AP2M1: variants seen among roughly 807,000 people sequenced by gnomAD.
AP2M1 encodes the protein AP-2 complex subunit mu.
Under a neutral mutation model 54.5 loss-of-function variants are expected in AP2M1, and 5 were observed. The ratio of observed to expected loss-of-function variants is 0.09; its 90% CI spans 0.05 to 0.19. AP2M1 has a LOEUF of 0.19. Ranked by LOEUF, AP2M1 falls within the 10% of genes least tolerant of loss-of-function variation. The pLI, the probability that AP2M1 is intolerant of heterozygous loss-of-function variation, is 1.00. For missense variants in AP2M1, 178 were observed against 580.2 expected (o/e 0.31, Z 7.12); for synonymous variants, 186 against 208.2 (o/e 0.89, Z 0.92).
rs1715304225 is a variant in AP2M1, at chr3:184,182,428, G to A, written c.1061+180G>A. On this transcript the variant is annotated intron_variant, in intron 10 of 11. Transcript: ENST00000292807. This position sits in a 1 kb window ranked among gnomAD's most constrained non-coding sequence, Gnocchi z 5.5. ...TGAGTATGTACACGCCTGCATTTGG[G>A]TTCATGCACGTGCTTATTTTTTAAG... The A allele has an allele frequency of 1.9e-5, 12 of 648,386 alleles. No homozygotes were observed. The highest frequency in any genetic ancestry group is 3.1e-5 in the Non-Finnish European group (12 of 381,914). The allele number at this position is 648,386 out of a possible 1,614,324, so 40.2% of individuals were successfully genotyped here.
rs1281004184 is a variant in AP2M1 at position 184,177,466 on chromosome 3, C to T, written c.74+399C>T. ...CTAAGCCTTGCTCTCAGAAGCCCTT[C>T]CCATATCAAACGCCTTCACTGGATT... is the stretch of plus-strand genomic sequence containing the variant. On this transcript the variant is annotated intron_variant, in intron 2 of 11. Transcript: ENST00000292807. 14 of 1,366,678 alleles carry T rather than the reference C, an allele frequency of 1.0e-5. No individual in the cohort carries two copies. The African/African-American group carries it at 1.9e-4, about 18-fold the overall frequency. The allele number at this position is 1,366,678 out of a possible 1,614,324, so 84.7% of individuals were successfully genotyped here.
intron 1 of AP2M1, 152 bp from the exon 2 acceptor site, chr3:184,176,799 C>G (rs774255855): frequency 1.8e-6 from 1 of 546,228 alleles, no homozygotes; most frequent in Non-Finnish European, 3.2e-6. Flanking sequence ...GAACTGGAGC[C>G]TGGCTGAGGG....
At position 184,180,470 on chromosome 3, in the gene AP2M1, C is replaced by A; in HGVS notation, c.424-175C>A. 1 of 1,118,072 alleles carries A rather than the reference C, an allele frequency of 8.9e-7. No homozygotes were observed. Among genetic ancestry groups the A allele is most frequent in the Non-Finnish European group, 1.3e-6 (1 of 770,910 alleles). 69.3% of individuals were successfully genotyped at this position (1,118,072 alleles called of 1,614,324 possible). Reference sequence around the variant, plus strand: ...TCTATTACCAGGAATACAGCTCAAGCAGTTTCCTTTTGCACTGAGGGGTGG... The same window carrying A: ...TCTATTACCAGGAATACAGCTCAAGAAGTTTCCTTTTGCACTGAGGGGTGG... On this transcript the variant is annotated intron_variant, in intron 4 of 11. Coordinates refer to ENST00000292807, the MANE Select transcript of AP2M1 (RefSeq NM_004068.4). This position sits in a 1 kb window ranked among gnomAD's most constrained non-coding sequence, Gnocchi z 4.9.
rs1218820609 is a variant in AP2M1, at chr3:184,180,321, C to T, written c.423+70C>T. On this transcript the variant is annotated intron_variant, in intron 4 of 11. Transcript: ENST00000292807. This position sits in a 1 kb window ranked among gnomAD's most constrained non-coding sequence, Gnocchi z 4.9. ...CCTTCATCTCAGCTGGCCCCTGAGCCTTGTCTGAGCTGACTCATGAGCCCT... is the reference window on the plus strand; with the variant it reads ...CCTTCATCTCAGCTGGCCCCTGAGCTTTGTCTGAGCTGACTCATGAGCCCT... 1.3e-6 allele frequency: 2 copies of T among 1,539,064 alleles called. No individual in the cohort carries two copies. Among genetic ancestry groups the T allele is most frequent in the Non-Finnish European group, 1.8e-6 (2 of 1,121,960 alleles).
In AP2M1 at chr3:184,181,628, A is replaced by C. The variant is rs984777849; in HGVS notation, c.708-68A>C. On this transcript the variant is annotated intron_variant, in intron 7 of 11. Coordinates refer to ENST00000292807, the MANE Select transcript of AP2M1 (RefSeq NM_004068.4). The surrounding 1 kb of genome is among the most constrained non-coding windows in gnomAD (Gnocchi z 5.7). ...AGTCTCTGGTGCCAGCCTGGGGTGG[A>C]GTGGTCTCCCAGCATGACAGCTGTC... 1.1e-5 allele frequency: 18 copies of C among 1,584,574 alleles called. No homozygotes were observed. The highest frequency in any genetic ancestry group is 1.5e-5 in the Non-Finnish European group (17 of 1,160,252).
At position 184,182,430 on chromosome 3, in the gene AP2M1, T is replaced by C; in HGVS notation, c.1061+182T>C. 1 of 650,730 alleles carries C rather than the reference T, an allele frequency of 1.5e-6. No homozygotes were observed. Among genetic ancestry groups the C allele is most frequent in the Non-Finnish European group, 2.6e-6 (1 of 383,402 alleles). 40.3% of individuals were successfully genotyped at this position (650,730 alleles called of 1,614,324 possible). On this transcript the variant is annotated intron_variant, in intron 10 of 11. Coordinates refer to ENST00000292807, the MANE Select transcript of AP2M1 (RefSeq NM_004068.4). The surrounding 1 kb of genome is among the most constrained non-coding windows in gnomAD (Gnocchi z 5.5). ...AGTATGTACACGCCTGCATTTGGGTTCATGCACGTGCTTATTTTTTAAGAT... is the reference window on the plus strand; with the variant it reads ...AGTATGTACACGCCTGCATTTGGGTCCATGCACGTGCTTATTTTTTAAGAT...
Position 184,181,070 on chromosome 3 carries a change from C to G in AP2M1, c.566-15C>G, listed in dbSNP as rs781556738. ...CCTGACTCCGCTGCTCCCCATTTAT[C>G]TGTTCCATCACCAGGGCAGGTGCTG... is the stretch of plus-strand genomic sequence containing the variant. On this transcript the variant is annotated splice_polypyrimidine_tract_variant and intron_variant, in intron 6 of 11. Transcript: ENST00000292807. The surrounding 1 kb of genome is among the most constrained non-coding windows in gnomAD (Gnocchi z 5.7). 1 of 1,614,048 alleles carries G rather than the reference C, an allele frequency of 6.2e-7. No individual in the cohort carries two copies.
chr3:184,180,989 G>C lies in AP2M1; in HGVS notation c.565+5G>C. 3 of 1,614,122 alleles carry C rather than the reference G, an allele frequency of 1.9e-6. No individual in the cohort carries two copies. Among genetic ancestry groups the C allele is most frequent in the Non-Finnish European group, 2.5e-6 (3 of 1,180,038 alleles). On this transcript the variant is annotated splice_donor_5th_base_variant and intron_variant, in intron 6 of 11. Transcript: ENST00000292807. This position sits in a 1 kb window ranked among gnomAD's most constrained non-coding sequence, Gnocchi z 4.9. The stretch of plus-strand genomic sequence containing the variant: ...ACCTGCTCATGTCCCCACAAGGTGA[G>C]GTCCCTCTCACGACAAAGTTGGAGG...
Position 184,178,088 on chromosome 3 carries a change from T to C in AP2M1, c.75-769T>C. On this transcript the variant is annotated intron_variant, in intron 2 of 11. Coordinates refer to ENST00000292807, the MANE Select transcript of AP2M1 (RefSeq NM_004068.4). This position sits in a 1 kb window ranked among gnomAD's most constrained non-coding sequence, Gnocchi z 4.9. ...AGGTCACACGCCGCCTTGCCTGTCT[T>C]GTCTGCTTCTGCCTCACGGTGTGTG... The C allele has an allele frequency of 8.3e-7, 1 of 1,197,736 alleles. No homozygotes were observed. Among genetic ancestry groups the C allele is most frequent in the Non-Finnish European group, 1.2e-6 (1 of 838,518 alleles). The allele number at this position is 1,197,736 out of a possible 1,614,324, so 74.2% of individuals were successfully genotyped here.
chr3:184,180,087 TGCC>T lies in AP2M1; in HGVS notation c.341-80_341-78del. ...GATCCCACATGGGCTTTGGGAGCTG[TGCC>T]GGTCAGATGTGTAGGCCCAAGTAGG... On this transcript the variant is annotated intron_variant, in intron 3 of 11. Coordinates refer to ENST00000292807, the MANE Select transcript of AP2M1 (RefSeq NM_004068.4). The surrounding 1 kb of genome is among the most constrained non-coding windows in gnomAD (Gnocchi z 4.9). 3 of 1,333,034 alleles carry T rather than the reference TGCC, an allele frequency of 2.3e-6. No homozygotes were observed. In the South Asian group the frequency reaches 3.6e-5, roughly 16 times the overall value. 82.6% of individuals were successfully genotyped at this position (1,333,034 alleles called of 1,614,324 possible). A position where few individuals can be genotyped will look rare whatever the true frequency, so the allele number is the denominator to read the frequency against.
Position 184,178,544 on chromosome 3 carries a change from GC to G in AP2M1, c.75-310del, listed in dbSNP as rs568056892. Among the ~76,000 whole-genome samples the G allele has an allele frequency of 2.2e-4, 34 of 152,382 alleles. No homozygotes were observed. Among genetic ancestry groups the G allele is most frequent in the African/African-American group, 7.7e-4 (32 of 41,590 alleles). On this transcript the variant is annotated intron_variant, in intron 2 of 11. Coordinates refer to ENST00000292807, the MANE Select transcript of AP2M1 (RefSeq NM_004068.4). This position sits in a 1 kb window ranked among gnomAD's most constrained non-coding sequence, Gnocchi z 4.9. ...AGATAAAGCTGGGAAATTAGGGCCA[GC>G]CCTGGGAGTAAGGAATATCTGTCTC...
intron 2 of AP2M1, 38 bp downstream of exon 2, chr3:184,177,105 C>G: frequency 6.3e-7 from 1 of 1,581,820 alleles, no homozygotes; most frequent in Non-Finnish European, 8.7e-7. Flanking sequence ...CCCCACCACT[C>G]CAGCCCCCCA....
In AP2M1 at chr3:184,183,583, T is replaced by C. The variant is rs1715344141; in HGVS notation, c.1275T>C (p.Ile425=). 6.2e-7 allele frequency: 1 copy of C among 1,613,968 alleles called. No individual in the cohort carries two copies. The highest frequency in any genetic ancestry group is 1.1e-5 in the South Asian group (1 of 91,070). Residue 425 remains isoleucine, a synonymous_variant, in exon 12 of 12, where the codon ATT becomes ATC. Transcript: ENST00000292807. This position sits in a 1 kb window ranked among gnomAD's most constrained non-coding sequence, Gnocchi z 5.7. ...ATGTCATCAAATGGGTGCGCTACAT[T>C]GGCCGCAGTGGCATTTATGAAACTC... The part of the protein sequence containing the change: ...DHDVIKWVRY[I]GRSGIYETRC
Position 184,183,351 on chromosome 3 carries a change from C to A in AP2M1, c.1174-131C>A. On this transcript the variant is annotated intron_variant, in intron 11 of 11. Transcript: ENST00000292807. The surrounding 1 kb of genome is among the most constrained non-coding windows in gnomAD (Gnocchi z 5.7). ...ACCTCTTAGAAGGTCCCACGCCGCC[C>A]CAGCTTCTTTCAGGACCCCAGCCAT... 7.0e-7 allele frequency: 1 copy of A among 1,425,308 alleles called. No individual in the cohort carries two copies. The highest frequency in any genetic ancestry group is 2.3e-5 in the East Asian group (1 of 43,530). The allele number at this position is 1,425,308 out of a possible 1,614,324, so 88.3% of individuals were successfully genotyped here. A position where few individuals can be genotyped will look rare whatever the true frequency, so the allele number is the denominator to read the frequency against.
rs1210923545 is a variant in AP2M1, at chr3:184,178,173, C to T, written c.75-684C>T. On this transcript the variant is annotated intron_variant, in intron 2 of 11. Transcript: ENST00000292807. This position sits in a 1 kb window ranked among gnomAD's most constrained non-coding sequence, Gnocchi z 4.9. ...CTCTCGTTGCTATCACTCTCCTCTT[C>T]TTGCTGGCGTCATTTCTCTCATCCC... The T allele has an allele frequency of 5.2e-6, 8 of 1,532,938 alleles. No individual in the cohort carries two copies. The highest frequency in any genetic ancestry group is 6.1e-6 in the Non-Finnish European group (7 of 1,144,044). 95.0% of individuals were successfully genotyped at this position (1,532,938 alleles called of 1,614,324 possible). A position where few individuals can be genotyped will look rare whatever the true frequency, so the allele number is the denominator to read the frequency against.
In AP2M1 at chr3:184,178,165, C is replaced by A. The variant is rs988859177; in HGVS notation, c.75-692C>A. On this transcript the variant is annotated intron_variant, in intron 2 of 11. Coordinates refer to ENST00000292807, the MANE Select transcript of AP2M1 (RefSeq NM_004068.4). The surrounding 1 kb of genome is among the most constrained non-coding windows in gnomAD (Gnocchi z 4.9). ...AACCCTCTCTCTCGTTGCTATCACT[C>A]TCCTCTTCTTGCTGGCGTCATTTCT... 1.2e-4 allele frequency: 177 copies of A among 1,525,952 alleles called. No individual in the cohort carries two copies. Among genetic ancestry groups the A allele is most frequent in the Non-Finnish European group, 1.5e-4 (166 of 1,137,732 alleles). The allele number at this position is 1,525,952 out of a possible 1,614,324, so 94.5% of individuals were successfully genotyped here. A position where few individuals can be genotyped will look rare whatever the true frequency, so the allele number is the denominator to read the frequency against.
Position 184,178,011 on chromosome 3 carries a change from C to A in AP2M1, c.75-846C>A, listed in dbSNP as rs1216925085. On this transcript the variant is annotated intron_variant, in intron 2 of 11. Coordinates refer to ENST00000292807, the MANE Select transcript of AP2M1 (RefSeq NM_004068.4). The surrounding 1 kb of genome is among the most constrained non-coding windows in gnomAD (Gnocchi z 4.9). The stretch of plus-strand genomic sequence containing the variant: ...GCCTGTCTGAACCTGGCTGGCTACA[C>A]CCCCCACCCCAGACCCCCTCCTGCC... 5 of 653,518 alleles carry A rather than the reference C, an allele frequency of 7.7e-6. No homozygotes were observed. The highest frequency in any genetic ancestry group is 1.8e-5 in the African/African-American group (1 of 55,980). The allele number at this position is 653,518 out of a possible 1,614,324, so 40.5% of individuals were successfully genotyped here.
Position 184,180,813 on chromosome 3 carries a change from G to A in AP2M1, c.430-36G>A, listed in dbSNP as rs202002749. The stretch of plus-strand genomic sequence containing the variant: ...ACAGGATGATTAAAGGGACAGAGGA[G>A]TGAGGCCATTGCTGTTTGTTTCTGC... On this transcript the variant is annotated intron_variant, in intron 5 of 11. Transcript: ENST00000292807. The surrounding 1 kb of genome is among the most constrained non-coding windows in gnomAD (Gnocchi z 4.9). 2 of 1,614,222 alleles carry A rather than the reference G, an allele frequency of 1.2e-6. No homozygotes were observed. Among genetic ancestry groups the A allele is most frequent in the South Asian group, 1.1e-5 (1 of 91,068 alleles).
rs139520401 is a variant in AP2M1, at chr3:184,176,585, A to G, written c.-43-366A>G. Among the ~76,000 whole-genome samples the G allele has an allele frequency of 5.0e-3, 763 of 152,194 alleles. 4 individuals carry two copies. Among genetic ancestry groups the G allele is most frequent in the Non-Finnish European group, 9.2e-3 (624 of 68,004 alleles). ...GCCATTCCTGCAGCCGCAGGCAGGC[A>G]GGCAAGCCTTAGTGAGTCACTGGCG... On this transcript the variant is annotated intron_variant, in intron 1 of 11. Transcript: ENST00000292807.
Sources: gnomAD v4.1 joint callset for allele counts (sites outside exome capture counted in the v4.1 genomes callset) on GRCh38, gnomAD v4.1.1 for gene constraint, Gnocchi (gnomAD v3.1) non-coding constraint, MANE v1.5 for transcripts, NCBI Gene and HGNC (gene_info 2026-07-23, HGNC 2026-07-21) for gene names.